Variants in SQSTM1 observed in about 807,000 individuals in gnomAD.
SQSTM1 encodes sequestosome 1.
Under a neutral mutation model 45.1 loss-of-function variants are expected in SQSTM1, and 36 were observed. The observed-to-expected ratio is 0.80, with a 90% CI of 0.61 to 1.05. The LOEUF (loss-of-function observed/expected upper bound fraction) is 1.05. SQSTM1 is among the 50% of genes least tolerant of loss of function. The pLI, the probability that SQSTM1 is intolerant of heterozygous loss-of-function variation, is 0.00. For synonymous variants in SQSTM1, 290 were observed against 244.3 expected (o/e 1.19, Z -1.74); for missense variants, 617 against 607.1 (o/e 1.02, Z -0.17).
At chr5:179,827,505 C>T (rs956268300) in intron 5 of SQSTM1, among the ~76,000 whole-genome samples, 5 of 151,964 alleles carry the variant, frequency 3.3e-5, no homozygotes, top group South Asian at 2.1e-4. Context: ...AGGATGGTCT[C>T]GATATCCTGA....
chr5:179,823,552 G>A lies in SQSTM1; in HGVS notation c.302-306G>A, dbSNP rs528802472. 1.2e-4 allele frequency: 56 copies of A among 478,872 alleles called. No individual in the cohort carries two copies. In the East Asian group the frequency reaches 1.9e-3, roughly 16 times the overall value. The allele number at this position is 478,872 out of a possible 1,614,324, so 29.7% of individuals were successfully genotyped here. A position where few individuals can be genotyped will look rare whatever the true frequency, so the allele number is the denominator to read the frequency against. On this transcript the variant is annotated intron_variant, in intron 2 of 7. Coordinates refer to ENST00000389805, the MANE Select transcript of SQSTM1 (RefSeq NM_003900.5). The stretch of plus-strand genomic sequence containing the variant: ...CACTCTAGGGATGGGGTCTGGTGCC[G>A]TGGTGCTTGGGTTAGGGATGGGGTC...
At chr5:179,807,044 A>C (rs1398767458) in intron 1 of SQSTM1, 2 of 134,616 alleles carry the variant, frequency 1.5e-5, no homozygotes, top group African/African-American at 2.7e-5. Context: ...CGGCGCCGCG[A>C]GGGGGTGGGG....
At chr5:179,834,592 G>A (rs269449) in intron 7 of SQSTM1, among the ~76,000 whole-genome samples, 86,475 of 148,098 alleles carry the variant, frequency 0.58, 26,148 homozygotes, top group East Asian at 0.76. Context: ...CTGGGTACTT[G>A]AGATTAGGGA....
At chr5:179,818,370 G>A (rs929985501), upstream of SQSTM1, among the ~76,000 whole-genome samples, 1 of 152,224 alleles carries the variant, frequency 6.6e-6, no homozygotes, top group African/African-American at 2.4e-5. Flanking sequence ...GCCCAGAGCA[G>A]TGCGGCCTGA....
At chr5:179,832,604 C>T (rs890753784) in intron 5 of SQSTM1, among the ~76,000 whole-genome samples, 5 of 152,196 alleles carry the variant, frequency 3.3e-5, no homozygotes, top group Admixed American at 1.3e-4. Flanking sequence ...CCCCACCTGC[C>T]GTGTGGCCCG....
chr5:179,827,995 G>T (rs1413572898), intron 5 of SQSTM1, among the ~76,000 whole-genome samples: 1 of 152,216 alleles, frequency 6.6e-6, no homozygotes, highest in African/African-American at 2.4e-5. Flanking sequence ...TCCTGGCTGG[G>T]AGGCTACAGG....
chr5:179,827,602 C>G (rs1302268188), intron 5 of SQSTM1, among the ~76,000 whole-genome samples: 1 of 152,188 alleles, frequency 6.6e-6, no homozygotes, highest in African/African-American at 2.4e-5. Context: ...TCTTTGAGCA[C>G]TAAAAGCTAA....
intron 5 of SQSTM1, 111 bp from the exon 6 acceptor site, chr5:179,832,921 G>T: frequency 9.1e-7 from 1 of 1,095,486 alleles, no homozygotes. Context: ...TGCTTGTGGG[G>T]ACTGAACGTT....
intron 1 of SQSTM1, among the ~76,000 whole-genome samples, chr5:179,808,582 C>T (rs1225563903): frequency 6.6e-6 from 1 of 152,122 alleles, no homozygotes; most frequent in Admixed American, 6.6e-5. Flanking sequence ...CTTTGTGAGG[C>T]CGAGGCAGGC....
At chr5:179,821,251 G>C (rs1053853688) in intron 1 of SQSTM1, 110 bp downstream of exon 1, 2 of 1,105,376 alleles carry the variant, frequency 1.8e-6, no homozygotes, top group Non-Finnish European at 2.4e-6. Flanking sequence ...CCGTGAGGGG[G>C]TCTGCGCTGG....
Position 179,836,594 on chromosome 5 carries a change from C to A in SQSTM1, c.*1C>A, listed in dbSNP as rs1402163457. On this transcript the variant is annotated 3_prime_UTR_variant, in exon 8 of 8. Coordinates refer to ENST00000389805, the MANE Select transcript of SQSTM1 (RefSeq NM_003900.5). ...TTCAAAGCATCCCCCGCCGTTGTGA[C>A]CACTTTTGCCCACCTCTTCTGCGTG... 6.2e-7 allele frequency: 1 copy of A among 1,614,094 alleles called. No individual in the cohort carries two copies. The highest frequency in any genetic ancestry group is 8.5e-7 in the Non-Finnish European group (1 of 1,179,944).
At chr5:179,828,454 A>G (rs1385608756) in intron 5 of SQSTM1, among the ~76,000 whole-genome samples, 3 of 146,220 alleles carry the variant, frequency 2.1e-5, no homozygotes, top group African/African-American at 7.7e-5. Flanking sequence ...GCTCACTACA[A>G]CCTCTGCCTC....
chr5:179,813,463 G>C (rs1251277791), intron 2 of SQSTM1: 1 of 152,176 alleles, frequency 6.6e-6, no homozygotes, highest in East Asian at 1.9e-4. Flanking sequence ...TTGAAGCTGT[G>C]CATAAAGTCT....
chr5:179,836,876 G>A lies in SQSTM1; in HGVS notation c.*283G>A. ...CGCGCTCCTGACCCCTCCCTGCAGGGGCTACGTTAGCAGCCCAGCACATAG... is the reference window on the plus strand; with the variant it reads ...CGCGCTCCTGACCCCTCCCTGCAGGAGCTACGTTAGCAGCCCAGCACATAG... On this transcript the variant is annotated 3_prime_UTR_variant, in exon 8 of 8. Coordinates refer to ENST00000389805, the MANE Select transcript of SQSTM1 (RefSeq NM_003900.5). The A allele has an allele frequency of 1.6e-6, 1 of 613,824 alleles. No homozygotes were observed. Among genetic ancestry groups the A allele is most frequent in the Non-Finnish European group, 2.9e-6 (1 of 347,760 alleles). The allele number at this position is 613,824 out of a possible 1,614,324, so 38.0% of individuals were successfully genotyped here.
intron 7 of SQSTM1, among the ~76,000 whole-genome samples, chr5:179,834,164 G>T (rs957082805): frequency 2.8e-5 from 4 of 142,152 alleles, no homozygotes; most frequent in Admixed American, 7.4e-5. Flanking sequence ...AGAGGGGGGG[G>T]GGTCATAGCC....
Position 179,836,782 on chromosome 5 carries a change from C to A in SQSTM1, c.*189C>A. 2.4e-6 allele frequency: 2 copies of A among 837,028 alleles called. No individual in the cohort carries two copies. Among genetic ancestry groups the A allele is most frequent in the South Asian group, 1.5e-5 (1 of 65,888 alleles). 51.9% of individuals were successfully genotyped at this position (837,028 alleles called of 1,614,324 possible). A position where few individuals can be genotyped will look rare whatever the true frequency, so the allele number is the denominator to read the frequency against. ...GGGAGGGTCCCTGTGTGTGTGTGTG[C>A]TGATGTTTCCTGGGTGCCCTGGCTC... On this transcript the variant is annotated 3_prime_UTR_variant, in exon 8 of 8. Transcript: ENST00000389805.
intron 5 of SQSTM1, 48 bp downstream of exon 5, chr5:179,825,274 T>G (rs1386430680): frequency 6.8e-7 from 1 of 1,480,088 alleles, no homozygotes; most frequent in East Asian, 2.3e-5. Flanking sequence ...GCCTGCACTT[T>G]ATGTAACTTT....
intron 4 of SQSTM1, 70 bp downstream of exon 4, chr5:179,824,393 T>C: frequency 6.2e-7 from 1 of 1,608,108 alleles, no homozygotes; most frequent in Non-Finnish European, 8.5e-7. Context: ...AGGGCCCTTG[T>C]GCAAAGCGTG....
Position 179,836,452 on chromosome 5 carries a change from G to A in SQSTM1, c.1182G>A (p.Leu394=), listed in dbSNP as rs747890873. The A allele has an allele frequency of 4.3e-6, 7 of 1,614,206 alleles. No homozygotes were observed. In the South Asian group the frequency reaches 5.5e-5, roughly 13 times the overall value. Residue 394 remains leucine, a synonymous_variant, in exon 8 of 8, where the codon CTG becomes CTA. Coordinates refer to ENST00000389805, the MANE Select transcript of SQSTM1 (RefSeq NM_003900.5). The part of the protein sequence containing the change: ...PHLPPEADPR[L]IESLSQMLSM... ...TTTCGGCAGAGGCTGACCCGCGGCT[G>A]ATTGAGTCCCTCTCCCAGATGCTGT...
Sources: gnomAD v4.1 joint callset for allele counts (sites outside exome capture counted in the v4.1 genomes callset) on GRCh38, gnomAD v4.1.1 for gene constraint, MANE v1.5 for transcripts, NCBI Gene and HGNC (gene_info 2026-07-23, HGNC 2026-07-21) for gene names.